Variants in KIF21A observed in about 807,000 individuals in gnomAD.
The protein encoded by KIF21A is kinesin family member 21A.
KIF21A carries 114 observed loss-of-function variants against 202.9 expected under a neutral mutation model. The ratio of observed to expected loss-of-function variants is 0.56; its 90% CI spans 0.48 to 0.66. KIF21A has a LOEUF of 0.66. Among genes scored for constraint, KIF21A ranks in the 30% least tolerant of loss-of-function variants. The probability of loss-of-function intolerance (pLI) is 0.00; values close to 1 mark genes in which losing one functional copy is unlikely to be tolerated. For missense variants in KIF21A, 1,677 were observed against 1,994.9 expected, an observed-to-expected ratio of 0.84 and a Z score of 3.04; for synonymous variants, 667 against 670.8, an observed-to-expected ratio of 0.99 and a Z score of 0.09.
chr12:39,306,895 TG>T (rs1222242290), intron 34 of KIF21A, among the ~76,000 whole-genome samples: 1 of 152,196 alleles, frequency 6.6e-6, no homozygotes, highest in African/African-American at 2.4e-5. Flanking sequence ...CTGACATATT[TG>T]GGTTGAATAA....
At chr12:39,423,260 GT>G (rs1351973191) in intron 1 of KIF21A, among the ~76,000 whole-genome samples, 2 of 152,020 alleles carry the variant, frequency 1.3e-5, no homozygotes, top group African/African-American at 4.8e-5. Flanking sequence ...CCGGAGATGA[GT>G]TTTTTTCTTG....
chr12:39,408,453 GCCACAGACTGT>G (rs1952790018), intron 1 of KIF21A, among the ~76,000 whole-genome samples: 1 of 152,082 alleles, frequency 6.6e-6, no homozygotes, highest in Non-Finnish European at 1.5e-5. Context: ...TTCCTAGCAG[GCCACAGACTGT>G]TACCAGTCTG....
chr12:39,366,572 T>C, intron 5 of KIF21A, 55 bp from the exon 6 acceptor site: 1 of 1,312,036 alleles, frequency 7.6e-7, no homozygotes, highest in Non-Finnish European at 1.1e-6. Context: ...TTAAATATCC[T>C]CCTAACCTAC....
At chr12:39,327,246 T>C (rs1946042885) in intron 24 of KIF21A, among the ~76,000 whole-genome samples, 1 of 152,238 alleles carries the variant, frequency 6.6e-6, no homozygotes, top group African/African-American at 2.4e-5. Flanking sequence ...AGTCAATTGA[T>C]TCATTTCTCT....
intron 27 of KIF21A, chr12:39,322,112 A>G (rs1945332947): frequency 1.3e-5 from 2 of 152,258 alleles, no homozygotes; most frequent in African/African-American, 4.8e-5. Flanking sequence ...ATCTTTAATA[A>G]TACCAATAAA....
At position 39,333,348 on chromosome 12, in the gene KIF21A, A is replaced by T. The variant is rs555631095; in HGVS notation, c.2419-68T>A. On this transcript the variant is annotated intron_variant, in intron 17 of 37. Transcript: ENST00000361418. ...ATACAATATTTCCTATTCCTATATG[A>T]ATATATTTCCCCATACCCCTGGGAA... 2.4e-4 allele frequency: 283 copies of T among 1,169,140 alleles called. 1 individual carries two copies. In the African/African-American group the frequency reaches 3.9e-3, roughly 16 times the overall value. 72.4% of individuals were successfully genotyped at this position (1,169,140 alleles called of 1,614,324 possible). A position where few individuals can be genotyped will look rare whatever the true frequency, so the allele number is the denominator to read the frequency against.
chr12:39,380,531 A>G (rs1950548380), intron 1 of KIF21A, among the ~76,000 whole-genome samples: 1 of 152,202 alleles, frequency 6.6e-6, no homozygotes, highest in African/African-American at 2.4e-5. Context: ...ATAATAAAAA[A>G]GGTTTAATTA....
intron 11 of KIF21A, among the ~76,000 whole-genome samples, chr12:39,347,684 C>T (rs1229708773): frequency 2.6e-5 from 4 of 151,970 alleles, no homozygotes. Flanking sequence ...GAGAAAAAGT[C>T]TACAAATATA....
chr12:39,433,041 T>C (rs374606137), intron 1 of KIF21A, among the ~76,000 whole-genome samples: 25 of 152,322 alleles, frequency 1.6e-4, no homozygotes, highest in Middle Eastern at 3.4e-3. Flanking sequence ...AAAAGAAATA[T>C]AGCAAAATGC....
At chr12:39,357,798 T>C (rs1443135714) in intron 8 of KIF21A, among the ~76,000 whole-genome samples, 2 of 150,668 alleles carry the variant, frequency 1.3e-5, no homozygotes, top group African/African-American at 4.9e-5. Flanking sequence ...TAATCCCAGC[T>C]ACTCAAGAGG....
At chr12:39,429,199 C>T (rs1003060999) in intron 1 of KIF21A, among the ~76,000 whole-genome samples, 22 of 152,090 alleles carry the variant, frequency 1.4e-4, no homozygotes, top group African/African-American at 4.8e-4. Flanking sequence ...AAATAAGTAT[C>T]CCCCATGTCA....
At chr12:39,436,672 A>G (rs560386198) in intron 1 of KIF21A, among the ~76,000 whole-genome samples, 1 of 151,088 alleles carries the variant, frequency 6.6e-6, no homozygotes, top group African/African-American at 2.4e-5. Context: ...AACCTCAAAA[A>G]TTATTCTTAA....
chr12:39,340,378 G>T lies in KIF21A; in HGVS notation c.2111-14C>A. The T allele has an allele frequency of 6.3e-7, 1 of 1,582,696 alleles. No individual in the cohort carries two copies. The highest frequency in any genetic ancestry group is 8.6e-7 in the Non-Finnish European group (1 of 1,158,284). Reference sequence around the variant, plus strand: ...ATTCTACCGAGCCTAAATGACCAGAGGACATTTTTATATGTTTTTTTGTGA... The same window carrying T: ...ATTCTACCGAGCCTAAATGACCAGATGACATTTTTATATGTTTTTTTGTGA... On this transcript the variant is annotated splice_polypyrimidine_tract_variant and intron_variant, in intron 15 of 37. Coordinates refer to ENST00000361418, the MANE Select transcript of KIF21A (RefSeq NM_001173464.2).
intron 28 of KIF21A, among the ~76,000 whole-genome samples, chr12:39,319,355 A>G (rs1219906502): frequency 1.3e-5 from 2 of 152,158 alleles, no homozygotes; most frequent in Non-Finnish European, 2.9e-5. Flanking sequence ...GGATAATCAG[A>G]TTATACTATG....
At chr12:39,373,989 T>G (rs1459129956) in intron 1 of KIF21A, among the ~76,000 whole-genome samples, 4 of 152,160 alleles carry the variant, frequency 2.6e-5, no homozygotes. Flanking sequence ...AAGTCACACC[T>G]AGGAGGGGAT....
intron 16 of KIF21A, 44 bp downstream of exon 16, chr12:39,340,121 A>C: frequency 6.7e-7 from 1 of 1,492,054 alleles, no homozygotes; most frequent in Non-Finnish European, 9.3e-7. Context: ...AAATGACAAA[A>C]TCATACTGAA....
chr12:39,367,289 T>C lies in KIF21A; in HGVS notation c.601-125A>G, dbSNP rs141691638. ...ATATAAAAGATGTGGAATTTCACAT[T>C]ATTAGTTCAGTTACAGGCACTTTTT... On this transcript the variant is annotated intron_variant, in intron 4 of 37. Coordinates refer to ENST00000361418, the MANE Select transcript of KIF21A (RefSeq NM_001173464.2). 1.3e-4 allele frequency: 134 copies of C among 1,014,732 alleles called. No individual in the cohort carries two copies. In the African/African-American group the frequency reaches 2.0e-3, roughly 15 times the overall value. The allele number at this position is 1,014,732 out of a possible 1,614,324, so 62.9% of individuals were successfully genotyped here.
intron 31 of KIF21A, among the ~76,000 whole-genome samples, chr12:39,314,827 T>C (rs1425929161): frequency 2.0e-5 from 3 of 151,902 alleles, no homozygotes; most frequent in African/African-American, 7.2e-5. Context: ...TTCCAGGAGA[T>C]CAGGATGCCC....
chr12:39,336,172 A>G (rs183574595), intron 17 of KIF21A, among the ~76,000 whole-genome samples: 1 of 152,238 alleles, frequency 6.6e-6, no homozygotes, highest in East Asian at 1.9e-4. Flanking sequence ...CTCCGGCCTC[A>G]GTCTCTCAAA....
Sources: gnomAD v4.1 joint callset for allele counts (sites outside exome capture counted in the v4.1 genomes callset) on GRCh38, gnomAD v4.1.1 for gene constraint, MANE v1.5 for transcripts, NCBI Gene and HGNC (gene_info 2026-07-23, HGNC 2026-07-21) for gene names.